ATXN1: variants seen among roughly 807,000 people sequenced by gnomAD.
ATXN1 encodes ataxin 1.
ATXN1 carries 8 observed loss-of-function variants against 56.4 expected under a neutral mutation model. The ratio of observed to expected loss-of-function variants is 0.14; its 90% CI spans 0.08 to 0.26. ATXN1 has a LOEUF of 0.26. ATXN1 is among the 10% of genes least tolerant of loss of function. The pLI is 1.00. For missense variants in ATXN1, 987 were observed against 1,106.5 expected, an observed-to-expected ratio of 0.89 and a Z score of 1.53; for synonymous variants, 514 against 494.6, an observed-to-expected ratio of 1.04 and a Z score of -0.52.
At chr6:16,383,593 C>A (rs1758178026) in intron 6 of ATXN1, among the ~76,000 whole-genome samples, 1 of 152,170 alleles carries the variant, frequency 6.6e-6, no homozygotes, top group Non-Finnish European at 1.5e-5. Context: ...TGTTTGTGGT[C>A]ATTAGATCAT....
At chr6:16,557,142 T>C (rs1056810803) in intron 4 of ATXN1, among the ~76,000 whole-genome samples, 2 of 151,874 alleles carry the variant, frequency 1.3e-5, no homozygotes, top group Non-Finnish European at 1.5e-5. Flanking sequence ...TAACCAAACA[T>C]GGTAAAACGC....
chr6:16,648,824 T>C (rs1763845755), intron 3 of ATXN1, among the ~76,000 whole-genome samples: 1 of 152,086 alleles, frequency 6.6e-6, no homozygotes, highest in Non-Finnish European at 1.5e-5. Context: ...CATGACTTTA[T>C]AAACAAGAAA....
At chr6:16,436,700 T>C (rs1297486774) in intron 6 of ATXN1, among the ~76,000 whole-genome samples, 1 of 135,290 alleles carries the variant, frequency 7.4e-6, no homozygotes. Context: ...GTAAAGGGGG[T>C]GGGGAGCAGG....
intron 6 of ATXN1, among the ~76,000 whole-genome samples, chr6:16,456,829 T>A (rs1448384604): frequency 1.3e-5 from 2 of 152,158 alleles, no homozygotes; most frequent in African/African-American, 4.8e-5. Context: ...GCACCCAGGC[T>A]CACCAATCAG....
At chr6:16,605,149 G>A (rs1337327909) in intron 3 of ATXN1, among the ~76,000 whole-genome samples, 2 of 152,188 alleles carry the variant, frequency 1.3e-5, no homozygotes, top group Non-Finnish European at 2.9e-5. Context: ...TTACTATGCA[G>A]CACAGTATCA....
At chr6:16,419,746 C>T (rs1419259403) in intron 6 of ATXN1, among the ~76,000 whole-genome samples, 1 of 152,106 alleles carries the variant, frequency 6.6e-6, no homozygotes, top group Non-Finnish European at 1.5e-5. Flanking sequence ...CCGGGTCTGC[C>T]TTTGTGTACT....
chr6:16,514,332 C>G (rs1344941152), intron 5 of ATXN1, among the ~76,000 whole-genome samples: 1 of 152,092 alleles, frequency 6.6e-6, no homozygotes, highest in Non-Finnish European at 1.5e-5. Context: ...ATTTTACCAA[C>G]CGGCAAGACA....
chr6:16,309,317 T>C lies in ATXN1; in HGVS notation c.1918-2458A>G, dbSNP rs544745290. On this transcript the variant is annotated intron_variant, in intron 7 of 7. Transcript: ENST00000436367. ...ATTGTAGAATTAAAATATACACCAC[T>C]GAAATCAAGAATGCAATGAGCTTTC... is the stretch of plus-strand genomic sequence containing the variant. 1.3e-4 allele frequency among the ~76,000 whole-genome samples: 19 copies of C among 151,814 alleles called. No homozygotes were observed. In the East Asian group the frequency reaches 3.7e-3, roughly 29 times the overall value.
chr6:16,662,956 A>G (rs1304284469), intron 2 of ATXN1, among the ~76,000 whole-genome samples: 3 of 141,262 alleles, frequency 2.1e-5, no homozygotes, highest in Non-Finnish European at 4.6e-5. Context: ...TAGCCACAGT[A>G]TTTTCTGTTT....
At chr6:16,347,303 C>G (rs575623660) in intron 6 of ATXN1, among the ~76,000 whole-genome samples, 1 of 152,380 alleles carries the variant, frequency 6.6e-6, no homozygotes, top group East Asian at 1.9e-4. Context: ...GCTCCTGAGT[C>G]TGGTGGGGCC....
intron 2 of ATXN1, among the ~76,000 whole-genome samples, chr6:16,681,641 C>T (rs1180211606): frequency 6.6e-6 from 1 of 152,274 alleles, no homozygotes; most frequent in Admixed American, 6.5e-5. Context: ...TCACCCTTGT[C>T]TGGATGAAAG....
Position 16,327,495 on chromosome 6 carries a change from G to C in ATXN1, c.816C>G (p.Pro272=). Reference sequence around the variant, plus strand: ...GCGTGTGTGGGATCATCGTCTGGTGGGGGTGGAGGTGGACGGGGATGGCCG... The same window carrying C: ...GCGTGTGTGGGATCATCGTCTGGTGCGGGTGGAGGTGGACGGGGATGGCCG... ...SPPAIPVHLH[P]HQTMIPHTLT... is the part of the protein sequence containing the mutation. Residue 272 remains proline (P), a synonymous_variant, in exon 7 of 8, where the codon CCC becomes CCG. Transcript: ENST00000436367. The C allele has an allele frequency of 6.2e-7, 1 of 1,613,174 alleles. No individual in the cohort carries two copies. Among genetic ancestry groups the C allele is most frequent in the Non-Finnish European group, 8.5e-7 (1 of 1,179,880 alleles).
intron 5 of ATXN1, among the ~76,000 whole-genome samples, chr6:16,495,684 GA>G (rs1760764667): frequency 6.6e-6 from 1 of 152,080 alleles, no homozygotes; most frequent in Admixed American, 6.5e-5. Flanking sequence ...CCAACATGGT[GA>G]AACCCTGTCT....
intron 6 of ATXN1, among the ~76,000 whole-genome samples, chr6:16,337,325 C>A (rs558673965): frequency 6.6e-6 from 1 of 152,238 alleles, no homozygotes; most frequent in Non-Finnish European, 1.5e-5. Flanking sequence ...TGGCTGGGGT[C>A]CCCCTGCGTG....
intron 6 of ATXN1, among the ~76,000 whole-genome samples, chr6:16,362,919 G>A (rs1037221519): frequency 6.6e-6 from 1 of 152,146 alleles, no homozygotes; most frequent in African/African-American, 2.4e-5. Flanking sequence ...GCTTTGCATG[G>A]AGCCGCTCAT....
intron 6 of ATXN1, among the ~76,000 whole-genome samples, chr6:16,371,713 G>T (rs989485430): frequency 2.6e-5 from 4 of 150,966 alleles, no homozygotes; most frequent in Admixed American, 6.6e-5. Flanking sequence ...ACTATGCCTG[G>T]TTATTTATTT....
intron 6 of ATXN1, among the ~76,000 whole-genome samples, chr6:16,388,310 G>T (rs775675122): frequency 3.3e-5 from 5 of 152,128 alleles, no homozygotes; most frequent in Non-Finnish European, 7.4e-5. Context: ...TTCTTGACAG[G>T]ATCTCTGCTA....
intron 7 of ATXN1, among the ~76,000 whole-genome samples, chr6:16,308,367 C>CTT (rs1335964248): frequency 2.7e-5 from 4 of 147,824 alleles, no homozygotes; most frequent in Non-Finnish European, 6.0e-5. Context: ...CACACACACA[C>CTT]ACTTCCTGGG....
chr6:16,669,597 T>C (rs1758496580), intron 2 of ATXN1, among the ~76,000 whole-genome samples: 1 of 152,012 alleles, frequency 6.6e-6, no homozygotes, highest in Admixed American at 6.6e-5. Context: ...TATTAATCAG[T>C]AAAGAATTGA....
Sources: allele counts gnomAD v4.1 joint callset (sites outside exome capture counted in the v4.1 genomes callset), GRCh38; gene constraint gnomAD v4.1.1; transcripts MANE v1.5; gene names NCBI Gene and HGNC (gene_info 2026-07-23, HGNC 2026-07-21).